Variants in KAZN observed in about 807,000 individuals in gnomAD.
KAZN encodes the protein kazrin, periplakin interacting protein.
Under a neutral mutation model 87.4 loss-of-function variants are expected in KAZN, and 40 were observed. That is an observed-to-expected ratio of 0.46 (90% CI 0.36 to 0.60). The LOEUF (loss-of-function observed/expected upper bound fraction) is 0.60. Among genes scored for constraint, KAZN ranks in the 20% least tolerant of loss-of-function variants. The pLI is 0.00. For missense variants in KAZN, 898 were observed against 1,073.9 expected, an observed-to-expected ratio of 0.84 and a Z score of 2.29; for synonymous variants, 466 against 458.3, an observed-to-expected ratio of 1.02 and a Z score of -0.22.
chr1:15,110,675 G>A (rs753270098), intron 13 of KAZN, among the ~76,000 whole-genome samples: 3 of 152,352 alleles, frequency 2.0e-5, no homozygotes, highest in Non-Finnish European at 4.4e-5. Flanking sequence ...CACTGAGCCA[G>A]GCTGCTGACG....
At chr1:14,978,122 C>G (rs1665853320) in intron 2 of KAZN, among the ~76,000 whole-genome samples, 1 of 152,176 alleles carries the variant, frequency 6.6e-6, no homozygotes, top group African/African-American at 2.4e-5. Flanking sequence ...CGTGGCCTTC[C>G]TCACGTCCTC....
chr1:14,565,063 A>G (rs1190226450), intron 2 of KAZN, among the ~76,000 whole-genome samples: 1 of 152,238 alleles, frequency 6.6e-6, no homozygotes, highest in Non-Finnish European at 1.5e-5. Flanking sequence ...TGTATAAAAA[A>G]TAAAGAACAT....
At chr1:14,418,934 A>C (rs925760313) in intron 2 of KAZN, among the ~76,000 whole-genome samples, 19 of 152,288 alleles carry the variant, frequency 1.2e-4, no homozygotes, top group African/African-American at 3.6e-4. Context: ...TGTGGGGACC[A>C]CCTCGGCACC....
intron 2 of KAZN, among the ~76,000 whole-genome samples, chr1:14,191,186 A>T (rs1646413504): frequency 6.6e-6 from 1 of 152,190 alleles, no homozygotes; most frequent in Non-Finnish European, 1.5e-5. Context: ...ATATTTGGCT[A>T]TTTGAAATAT....
chr1:14,450,094 C>G (rs1218570722), intron 2 of KAZN, among the ~76,000 whole-genome samples: 1 of 147,276 alleles, frequency 6.8e-6, no homozygotes, highest in Non-Finnish European at 1.5e-5. Flanking sequence ...GCTCTGGGAG[C>G]TTCAGGAGAT....
chr1:14,312,612 C>T (rs1655381969), intron 2 of KAZN, among the ~76,000 whole-genome samples: 1 of 152,092 alleles, frequency 6.6e-6, no homozygotes, highest in African/African-American at 2.4e-5. Flanking sequence ...TATAGAAACA[C>T]CCTTGTATAA....
chr1:14,629,559 C>G (rs1316799304), intron 1 of KAZN, among the ~76,000 whole-genome samples: 1 of 152,218 alleles, frequency 6.6e-6, no homozygotes, highest in Non-Finnish European at 1.5e-5. Flanking sequence ...TTCTTTGCTC[C>G]CTCCGGTTTC....
intron 1 of KAZN, among the ~76,000 whole-genome samples, chr1:14,778,893 T>G (rs6703208): frequency 0.082 from 12,463 of 152,226 alleles, 614 homozygotes; most frequent in Middle Eastern, 0.15. Context: ...GGACAGCAGC[T>G]GGGCTGAGAT....
At chr1:13,954,712 G>A (rs1429928644) in intron 1 of KAZN, among the ~76,000 whole-genome samples, 3 of 152,108 alleles carry the variant, frequency 2.0e-5, no homozygotes, top group African/African-American at 7.2e-5. Context: ...TTCAGAAGTC[G>A]GCCAGCTCTT....
intron 2 of KAZN, among the ~76,000 whole-genome samples, chr1:14,364,115 T>A (rs1659760605): frequency 6.6e-6 from 1 of 152,164 alleles, no homozygotes; most frequent in Non-Finnish European, 1.5e-5. Context: ...TCATTAGAGA[T>A]GTGTTGTTGA....
At position 14,007,812 on chromosome 1, in the gene KAZN, G is replaced by A. The variant is rs376418424; in HGVS notation, c.91+114056G>A. Among the ~76,000 whole-genome samples the A allele has an allele frequency of 1.6e-4, 25 of 152,220 alleles. No individual in the cohort carries two copies. In the East Asian group the frequency reaches 1.7e-3, roughly 11 times the overall value. ...TTACAAATCAGCAGGTTTAACAGAC[G>A]CTGTCCGATAATGATTTTTAACTCT... On this transcript the variant is annotated intron_variant, in intron 1 of 16. Transcript: ENST00000636203.
chr1:14,021,964 TTTTTTTTTG>T (rs1485348419), intron 1 of KAZN, among the ~76,000 whole-genome samples: 4 of 148,786 alleles, frequency 2.7e-5, no homozygotes, highest in African/African-American at 9.9e-5. Context: ...TTTTTTTTTT[TTTTTTTTTG>T]TAACGACTTC....
At chr1:14,097,614 T>G (rs900825000) in intron 1 of KAZN, among the ~76,000 whole-genome samples, 1 of 151,772 alleles carries the variant, frequency 6.6e-6, no homozygotes, top group Non-Finnish European at 1.5e-5. Context: ...ATGTGAGGGG[T>G]GTGTGTGTGT....
chr1:14,919,989 C>T (rs959639343), intron 1 of KAZN, among the ~76,000 whole-genome samples: 7 of 152,030 alleles, frequency 4.6e-5, no homozygotes, highest in South Asian at 2.1e-4. Context: ...TTTCCCAGAA[C>T]GTCATTCTGC....
intron 7 of KAZN, among the ~76,000 whole-genome samples, chr1:15,065,027 CTTT>C (rs780410306): frequency 9.7e-6 from 1 of 102,740 alleles, no homozygotes; most frequent in Non-Finnish European, 1.8e-5. Flanking sequence ...CTTTTTCTTT[CTTT>C]TTTTTTTTTT....
chr1:15,016,380 G>T (rs924293717), intron 2 of KAZN, among the ~76,000 whole-genome samples: 2 of 152,144 alleles, frequency 1.3e-5, no homozygotes, highest in Non-Finnish European at 2.9e-5. Flanking sequence ...CTGCCTCCCA[G>T]GATCAAATCA....
chr1:14,447,300 G>A (rs554588596), intron 2 of KAZN, among the ~76,000 whole-genome samples: 4 of 150,402 alleles, frequency 2.7e-5, no homozygotes, highest in Admixed American at 6.6e-5. Flanking sequence ...GTGCAGTGGC[G>A]TGATCTCAGC....
At chr1:14,972,802 G>A (rs868386046) in intron 2 of KAZN, among the ~76,000 whole-genome samples, 4 of 151,946 alleles carry the variant, frequency 2.6e-5, no homozygotes, top group Admixed American at 6.6e-5. Flanking sequence ...GGCGGGAGCC[G>A]CTGTGCCTGG....
intron 8 of KAZN, among the ~76,000 whole-genome samples, chr1:15,088,286 C>T (rs1214863836): frequency 6.6e-6 from 1 of 152,220 alleles, no homozygotes. Context: ...GTCTGCTGAC[C>T]TCTATGCTGG....
Sources: gnomAD v4.1 joint callset for allele counts (sites outside exome capture counted in the v4.1 genomes callset) on GRCh38, gnomAD v4.1.1 for gene constraint, MANE v1.5 for transcripts, NCBI Gene and HGNC (gene_info 2026-07-23, HGNC 2026-07-21) for gene names.